The following WDR27 variants were observed in gnomAD, a reference collection of about 807,000 sequenced individuals.
WDR27 encodes WD repeat domain 27, also known as WD repeat-containing protein 27.
A neutral mutation model predicts 114.4 loss-of-function variants in WDR27; 100 were observed. The ratio of observed to expected loss-of-function variants is 0.87; its 90% CI spans 0.74 to 1.03. The LOEUF is 1.03. Ranked by LOEUF, WDR27 falls within the 50% of genes least tolerant of loss-of-function variation. The pLI is 0.00. For missense variants in WDR27, 1,129 were observed against 1,092.9 expected (o/e 1.03, Z -0.47); for synonymous variants, 449 against 423.1 (o/e 1.06, Z -0.75).
intron 25 of WDR27, among the ~76,000 whole-genome samples, chr6:169,553,194 T>C (rs760949): frequency 0.88 from 133,495 of 151,412 alleles, 59,731 homozygotes; most frequent in East Asian, 0.99. Context: ...GCTCAGGGAA[T>C]GTTTTCAGGC....
intron 23 of WDR27, among the ~76,000 whole-genome samples, chr6:169,600,539 C>A (rs930666149): frequency 6.6e-6 from 1 of 151,978 alleles, no homozygotes; most frequent in Admixed American, 6.6e-5. Context: ...AAGTTCGAAC[C>A]CATGGCAAAG....
chr6:169,607,360 GAATA>G (rs1809419411), intron 22 of WDR27, among the ~76,000 whole-genome samples: 1 of 150,580 alleles, frequency 6.6e-6, no homozygotes, highest in African/African-American at 2.5e-5. Context: ...ACAGGCGACT[GAATA>G]AAGAAAATGT....
At chr6:169,531,311 A>G (rs1269118061) in intron 25 of WDR27, among the ~76,000 whole-genome samples, 2 of 152,194 alleles carry the variant, frequency 1.3e-5, no homozygotes, top group African/African-American at 2.4e-5. Context: ...ATTCGTGTTG[A>G]TTCCTTCCTT....
the WDR27 span, among the ~76,000 whole-genome samples, chr6:169,443,149 A>G: frequency 6.6e-6 from 1 of 152,182 alleles, no homozygotes; most frequent in African/African-American, 2.4e-5. Context: ...TGGTTCATGC[A>G]GATTGAAGCC....
chr6:169,665,318 C>T, intron 7 of WDR27, 168 bp downstream of exon 7: 1 of 1,399,882 alleles, frequency 7.1e-7, no homozygotes, highest in Non-Finnish European at 9.3e-7. Context: ...CCATATTGAA[C>T]CCACAGTGAC....
rs1172910139 is a variant in WDR27 at position 169,658,313 on chromosome 6, C to T, written c.1365G>A (p.Lys455=). Residue 455 remains lysine (K), a synonymous_variant, in exon 13 of 26, where the codon AAG becomes AAA. Transcript: ENST00000448612. ...PTSPLYLGIA[K]EKSTKAASEQ... is the part of the protein sequence containing the mutation. ...CACTAGCAGCCTTGGTACTCTTCTC[C>T]TTGGCAATTCCCAGATACAGTGGAG... 11 of 1,602,006 alleles carry T rather than the reference C, an allele frequency of 6.9e-6. No individual in the cohort carries two copies. Among genetic ancestry groups the T allele is most frequent in the East Asian group, 2.2e-5 (1 of 44,586 alleles).
At position 169,636,490 on chromosome 6, in the gene WDR27, A is replaced by C. The variant is rs2128221429; in HGVS notation, c.1884T>G (p.Phe628Leu). ...ELALLLGKDM[F>L]SKPIQSAQFY... The stretch of plus-strand genomic sequence containing the variant: ...ACTGTGCAGACTGTATAGGTTTAGA[A>C]AACATGTCTTTGCCCTGTAATGCAA... Residue 628 changes from phenylalanine (F) to leucine (L), a missense_variant, in exon 19 of 26, where the codon TTT (phenylalanine) becomes TTG (leucine). By Grantham distance (22) the Phe-to-Leu change is conservative. Coordinates refer to ENST00000448612, the MANE Select transcript of WDR27 (RefSeq NM_182552.5). The C allele has an allele frequency of 1.2e-6, 2 of 1,609,828 alleles. No individual in the cohort carries two copies.
At chr6:169,598,084 C>G (rs1027682138) in intron 23 of WDR27, among the ~76,000 whole-genome samples, 2 of 151,182 alleles carry the variant, frequency 1.3e-5, no homozygotes, top group African/African-American at 4.9e-5. Context: ...TGATAGGCAC[C>G]CTAGTTAGTT....
intron 9 of WDR27, among the ~76,000 whole-genome samples, chr6:169,661,605 TC>T (rs746752701): frequency 3.3e-5 from 5 of 152,112 alleles, no homozygotes; most frequent in African/African-American, 4.8e-5. Flanking sequence ...CTCTGAGGGC[TC>T]CCTCTGCTCG....
intron 6 of WDR27, chr6:169,666,486 G>C (rs946353394): frequency 1.0e-6 from 1 of 985,374 alleles, no homozygotes; most frequent in African/African-American, 1.7e-5. Context: ...GTGCACAAGG[G>C]GAGCAAAGCG....
At chr6:169,503,515 C>T (rs953828469) in intron 25 of WDR27, among the ~76,000 whole-genome samples, 5 of 152,190 alleles carry the variant, frequency 3.3e-5, no homozygotes, top group Non-Finnish European at 7.3e-5. Context: ...GATTCTCTTT[C>T]TAGGCTTCCA....
At chr6:169,585,310 G>A (rs1465139188) in intron 23 of WDR27, among the ~76,000 whole-genome samples, 2 of 152,190 alleles carry the variant, frequency 1.3e-5, no homozygotes, top group Non-Finnish European at 2.9e-5. Flanking sequence ...AAACTAAAGA[G>A]CTTCGGCTCA....
the WDR27 span, among the ~76,000 whole-genome samples, chr6:169,447,612 A>G: frequency 1.3e-5 from 2 of 152,220 alleles, no homozygotes; most frequent in African/African-American, 2.4e-5. Context: ...TTTTCAGAAC[A>G]AACTCTCAAG....
chr6:169,545,729 A>G (rs1797377707), intron 25 of WDR27, among the ~76,000 whole-genome samples: 1 of 152,198 alleles, frequency 6.6e-6, no homozygotes, highest in Admixed American at 6.5e-5. Flanking sequence ...GAGGATAAAA[A>G]GGTGAAAAGG....
intron 23 of WDR27, among the ~76,000 whole-genome samples, 152 bp from the exon 24 acceptor site, chr6:169,583,086 G>C (rs565064710): frequency 5.7e-4 from 87 of 152,172 alleles, no homozygotes; most frequent in South Asian, 5.2e-3. Context: ...CATCCAAGCT[G>C]GGGAACTAAC....
At chr6:169,643,903 C>T (rs1819800995) in intron 16 of WDR27, 117 bp from the exon 17 acceptor site, 1 of 744,080 alleles carries the variant, frequency 1.3e-6, no homozygotes, top group East Asian at 2.8e-5. Flanking sequence ...TCATACAAGT[C>T]ACACTGTAGA....
In WDR27 at chr6:169,652,023, T is replaced by A. The variant is rs1454434983; in HGVS notation, c.1403-15A>T. On this transcript the variant is annotated splice_polypyrimidine_tract_variant and intron_variant, in intron 13 of 25. Coordinates refer to ENST00000448612, the MANE Select transcript of WDR27 (RefSeq NM_182552.5). ...GTTCCGTGCAGCTGTGGAAAGGCAA[T>A]TTTAAAGAAGAAACAAACACTTAAA... The A allele has an allele frequency of 1.9e-6, 3 of 1,612,404 alleles. No homozygotes were observed. The Admixed American group carries it at 5.0e-5, about 27-fold the overall frequency.
At chr6:169,519,572 C>T (rs1794108967) in intron 25 of WDR27, among the ~76,000 whole-genome samples, 1 of 151,840 alleles carries the variant, frequency 6.6e-6, no homozygotes, top group Non-Finnish European at 1.5e-5. Flanking sequence ...AAGAACTCAC[C>T]CACTATTGTA....
intron 21 of WDR27, 65 bp from the exon 22 acceptor site, chr6:169,613,721 T>C: frequency 1.5e-6 from 2 of 1,358,840 alleles, no homozygotes; most frequent in Non-Finnish European, 2.1e-6. Flanking sequence ...GTTATGCTAA[T>C]GATATCTCAT....
Sources: gnomAD v4.1 joint callset for allele counts (sites outside exome capture counted in the v4.1 genomes callset) on GRCh38, gnomAD v4.1.1 for gene constraint, MANE v1.5 for transcripts, NCBI Gene and HGNC (gene_info 2026-07-23, HGNC 2026-07-21) for gene names.